Variants in PCDH11Y observed in about 807,000 individuals in gnomAD.
PCDH11Y encodes protocadherin-11 Y-linked.
For synonymous variants in PCDH11Y, 9 were observed against 83.6 expected, an observed-to-expected ratio of 0.11 and a Z score of 4.87; for missense variants, 12 against 224.8, an observed-to-expected ratio of 0.05 and a Z score of 6.05.
At chrY:5,510,151 C>CA (rs1459205572) in intron 3 of PCDH11Y, among the ~76,000 whole-genome samples, 17 of 3,851 alleles carry the variant, frequency 4.4e-3, no homozygotes, top group African/African-American at 0.012. Context: ...GACTCTGTCT[C>CA]AAAAAAAAAA....
chrY:5,360,538 T>C, intron 2 of PCDH11Y, among the ~76,000 whole-genome samples: 1 of 32,990 alleles, frequency 3.0e-5, no homozygotes, highest in Non-Finnish European at 7.4e-5. Context: ...AAAAATGTCA[T>C]TATCTCTAAA....
chrY:5,075,640 C>G (rs1602857091), intron 1 of PCDH11Y, among the ~76,000 whole-genome samples: 1 of 33,582 alleles, frequency 3.0e-5, no homozygotes, highest in East Asian at 7.9e-4. Context: ...AAATTTTTAG[C>G]TCCCACAAAT....
intron 2 of PCDH11Y, among the ~76,000 whole-genome samples, chrY:5,191,237 C>T (rs1602883406): frequency 3.2e-5 from 1 of 31,320 alleles, no homozygotes; most frequent in Non-Finnish European, 7.7e-5. Flanking sequence ...CAAACCAACA[C>T]GGCACATGTA....
chrY:5,384,128 A>C (rs2053208463), intron 2 of PCDH11Y, among the ~76,000 whole-genome samples: 1 of 33,210 alleles, frequency 3.0e-5, no homozygotes, highest in South Asian at 6.5e-4. Context: ...CTTTAGCAGG[A>C]ATATAAGGTA....
upstream of PCDH11Y, among the ~76,000 whole-genome samples, chrY:5,055,699 T>G: frequency 6.1e-5 from 2 of 32,908 alleles, no homozygotes; most frequent in African/African-American, 2.3e-4. Context: ...GAAAGGAAAC[T>G]GAAGGTAAAA....
At chrY:5,279,369 C>T (rs2053049348) in intron 2 of PCDH11Y, among the ~76,000 whole-genome samples, 1 of 15,132 alleles carries the variant, frequency 6.6e-5, no homozygotes, top group East Asian at 1.9e-3. Context: ...CATTGCACTC[C>T]AGCCTGGGCA....
intron 1 of PCDH11Y, among the ~76,000 whole-genome samples, chrY:5,029,872 G>A (rs1602840497): frequency 4.1e-5 from 1 of 24,346 alleles, no homozygotes; most frequent in Non-Finnish European, 9.1e-5. Flanking sequence ...GCAGTGAGCC[G>A]AGATCATGCC....
intron 4 of PCDH11Y, among the ~76,000 whole-genome samples, chrY:5,682,263 T>G: frequency 1.6e-4 from 2 of 12,595 alleles, no homozygotes; most frequent in Non-Finnish European, 3.5e-4. Context: ...TTTTTTTTTT[T>G]TTTTTTTTTT....
chrY:5,520,369 A>G, intron 3 of PCDH11Y, among the ~76,000 whole-genome samples: 1 of 26,129 alleles, frequency 3.8e-5, no homozygotes, highest in Non-Finnish European at 8.7e-5. Context: ...TTTTTATTAC[A>G]TATACTATAC....
chrY:5,077,953 G>C (rs2052712400), intron 1 of PCDH11Y, among the ~76,000 whole-genome samples: 1 of 31,097 alleles, frequency 3.2e-5, no homozygotes, highest in Non-Finnish European at 7.8e-5. Flanking sequence ...GTGCCGTGGT[G>C]ATTTGCTGCA....
At chrY:5,594,025 T>G in intron 4 of PCDH11Y, among the ~76,000 whole-genome samples, 1 of 33,213 alleles carries the variant, frequency 3.0e-5, no homozygotes, top group Admixed American at 2.7e-4. Context: ...GGCAGCACTG[T>G]GTGGTACCTG....
intron 1 of PCDH11Y, among the ~76,000 whole-genome samples, chrY:5,088,141 G>GT (rs2052734686): frequency 3.1e-5 from 1 of 32,033 alleles, no homozygotes; most frequent in Non-Finnish European, 7.6e-5. Flanking sequence ...CTATGAAGGT[G>GT]TTTTTTCTTT....
Position 5,454,490 on chromosome Y carries a change from C to T in PCDH11Y, c.3130-46567C>T, listed in dbSNP as rs2053296021. Among the ~76,000 whole-genome samples, 8 of 34,010 alleles carry T rather than the reference C, an allele frequency of 2.4e-4. No homozygotes were observed. The South Asian group carries it at 3.9e-3, about 17-fold the overall frequency. The allele number at this position is 34,010 out of a possible 37,273, so 91.2% of individuals were successfully genotyped here. A position where few individuals can be genotyped will look rare whatever the true frequency, so the allele number is the denominator to read the frequency against. The stretch of plus-strand genomic sequence containing the variant: ...AGGGACTCTGTGGGGGCTCCAACCC[C>T]GCATTTCTCCTCTGCACTGTTCTAC... On this transcript the variant is annotated intron_variant, in intron 2 of 4. Transcript: ENST00000400457.
At chrY:5,498,261 T>C (rs2053347992) in intron 2 of PCDH11Y, among the ~76,000 whole-genome samples, 1 of 33,747 alleles carries the variant, frequency 3.0e-5, no homozygotes. Flanking sequence ...TTTTAAACTA[T>C]AAACTAAGTT....
chrY:5,435,374 C>A (rs2053273589), intron 2 of PCDH11Y, among the ~76,000 whole-genome samples: 1 of 24,203 alleles, frequency 4.1e-5, no homozygotes, highest in African/African-American at 1.7e-4. Context: ...AGTGCAGTGG[C>A]GCAATCTCGG....
chrY:5,386,366 G>C (rs2124675362), intron 2 of PCDH11Y, among the ~76,000 whole-genome samples: 1 of 32,615 alleles, frequency 3.1e-5, no homozygotes, highest in Admixed American at 2.9e-4. Flanking sequence ...TTTCCCAGGT[G>C]TTCTTTGAGC....
At chrY:5,672,436 G>C in intron 4 of PCDH11Y, among the ~76,000 whole-genome samples, 2 of 30,270 alleles carry the variant, frequency 6.6e-5, no homozygotes, top group Non-Finnish European at 1.6e-4. Context: ...TTTTTATTAA[G>C]ACTTTGGTCT....
At chrY:5,534,444 T>C (rs2053398050) in intron 3 of PCDH11Y, among the ~76,000 whole-genome samples, 1 of 33,746 alleles carries the variant, frequency 3.0e-5, no homozygotes, top group Non-Finnish European at 7.4e-5. Flanking sequence ...AGTGAGAACA[T>C]GTGGTATTTG....
At chrY:5,066,692 C>T (rs2052687617) in intron 1 of PCDH11Y, among the ~76,000 whole-genome samples, 1 of 33,395 alleles carries the variant, frequency 3.0e-5, no homozygotes, top group South Asian at 6.6e-4. Flanking sequence ...TTTCATACTG[C>T]TTTTGCTTGG....
Sources: gnomAD v4.1 joint callset for allele counts (sites outside exome capture counted in the v4.1 genomes callset) on GRCh38, gnomAD v4.1.1 for gene constraint, MANE v1.5 for transcripts, NCBI Gene and HGNC (gene_info 2026-07-23, HGNC 2026-07-21) for gene names.